ARHGEF3: variants seen among roughly 807,000 people sequenced by gnomAD.
The protein encoded by ARHGEF3 is 59.8 kDA protein.
A neutral mutation model predicts 63.2 loss-of-function variants in ARHGEF3; 28 were observed. That is an observed-to-expected ratio of 0.44 (90% CI 0.33 to 0.61). ARHGEF3 has a LOEUF of 0.61. Ranked by LOEUF, ARHGEF3 falls within the 20% of genes least tolerant of loss-of-function variation. The probability of loss-of-function intolerance (pLI) is 0.03; values close to 1 mark genes in which losing one functional copy is unlikely to be tolerated. For missense variants in ARHGEF3, 533 were observed against 659.3 expected, an observed-to-expected ratio of 0.81 and a Z score of 2.10; for synonymous variants, 266 against 254.2, an observed-to-expected ratio of 1.05 and a Z score of -0.44.
chr3:56,820,958 A>T (rs2038463926), intron 4 of ARHGEF3, among the ~76,000 whole-genome samples: 1 of 151,306 alleles, frequency 6.6e-6, no homozygotes, highest in Admixed American at 6.6e-5. Flanking sequence ...GTTTGAGACT[A>T]GCCTGGGCAG....
At chr3:56,966,345 T>C (rs1700494907) in intron 2 of ARHGEF3, among the ~76,000 whole-genome samples, 2 of 152,260 alleles carry the variant, frequency 1.3e-5, no homozygotes, top group Admixed American at 1.3e-4. Context: ...AGCCCAACTG[T>C]TGACAGTGAC....
At chr3:56,833,868 G>A (rs1399473152) in intron 4 of ARHGEF3, among the ~76,000 whole-genome samples, 4 of 152,026 alleles carry the variant, frequency 2.6e-5, no homozygotes, top group African/African-American at 9.7e-5. Context: ...CACCAAGCTG[G>A]ATAACTGTTC....
At chr3:56,961,877 C>T (rs11708322) in intron 2 of ARHGEF3, among the ~76,000 whole-genome samples, 17,542 of 151,994 alleles carry the variant, frequency 0.12, 1,258 homozygotes, top group East Asian at 0.25. Flanking sequence ...ACACCATCTC[C>T]GCTAAAAATA....
At chr3:56,964,667 A>T (rs1700415990) in intron 2 of ARHGEF3, among the ~76,000 whole-genome samples, 1 of 152,170 alleles carries the variant, frequency 6.6e-6, no homozygotes, top group African/African-American at 2.4e-5. Context: ...CCAAAAAATT[A>T]CAACATGGCA....
Position 56,830,204 on chromosome 3 carries a change from G to T in ARHGEF3, c.192+52088C>A, listed in dbSNP as rs115590425. Among the ~76,000 whole-genome samples, 343 of 152,262 alleles carry T rather than the reference G, an allele frequency of 2.3e-3. 3 individuals carry two copies. The highest frequency in any genetic ancestry group is 7.2e-3 in the African/African-American group (300 of 41,564). On this transcript the variant is annotated intron_variant, in intron 4 of 12. Transcript: ENST00000338458. ...ATGATGGGATGGTGGTAATGACAGT[G>T]GTGACGGTGGTGATAACAGTGACGA...
At chr3:56,783,936 CT>C (rs2036677803) in intron 1 of ARHGEF3, among the ~76,000 whole-genome samples, 1 of 152,188 alleles carries the variant, frequency 6.6e-6, no homozygotes, top group Non-Finnish European at 1.5e-5. Context: ...ACATTCAATT[CT>C]CTTTACACAG....
At chr3:56,796,170 A>C (rs1251187976) in intron 1 of ARHGEF3, among the ~76,000 whole-genome samples, 1 of 152,142 alleles carries the variant, frequency 6.6e-6, no homozygotes, top group Non-Finnish European at 1.5e-5. Context: ...CCAGATACAC[A>C]CATCATCAAT....
intron 4 of ARHGEF3, among the ~76,000 whole-genome samples, chr3:56,880,272 C>T (rs1325368150): frequency 6.6e-6 from 1 of 152,144 alleles, no homozygotes; most frequent in African/African-American, 2.4e-5. Flanking sequence ...ATACAAGTCT[C>T]TTTAATGTGA....
At chr3:57,015,272 C>A (rs1487477854) in intron 2 of ARHGEF3, among the ~76,000 whole-genome samples, 1 of 152,150 alleles carries the variant, frequency 6.6e-6, no homozygotes, top group Non-Finnish European at 1.5e-5. Context: ...ACTTCTTACT[C>A]TCCTACCTCT....
intron 1 of ARHGEF3, among the ~76,000 whole-genome samples, chr3:56,800,216 C>T (rs997369800): frequency 6.6e-6 from 1 of 152,196 alleles, no homozygotes; most frequent in Non-Finnish European, 1.5e-5. Context: ...TTTTCTTTGG[C>T]CCACTTCAAT....
intron 1 of ARHGEF3, among the ~76,000 whole-genome samples, chr3:57,040,674 C>A (rs192569888): frequency 6.6e-6 from 1 of 151,756 alleles, no homozygotes; most frequent in Non-Finnish European, 1.5e-5. Context: ...CAGTTATGAC[C>A]GGTGCCCTTC....
chr3:57,017,553 A>G (rs770381125), intron 2 of ARHGEF3, among the ~76,000 whole-genome samples: 4 of 152,222 alleles, frequency 2.6e-5, no homozygotes, highest in Non-Finnish European at 4.4e-5. Flanking sequence ...CAGTTGCTCA[A>G]CTTGACCCTC....
intron 3 of ARHGEF3, among the ~76,000 whole-genome samples, chr3:56,886,182 G>A (rs753808507): frequency 2.0e-5 from 3 of 152,202 alleles, no homozygotes; most frequent in Non-Finnish European, 4.4e-5. Flanking sequence ...TTGTTTTCTG[G>A]GTTTTGGTTG....
chr3:57,063,321 T>C (rs1705337497), intron 1 of ARHGEF3, among the ~76,000 whole-genome samples: 1 of 152,092 alleles, frequency 6.6e-6, no homozygotes. Context: ...TTTGTTGCAG[T>C]GAAATGAGAG....
chr3:56,939,020 T>C (rs1284424854), intron 3 of ARHGEF3: 1 of 152,308 alleles, frequency 6.6e-6, no homozygotes, highest in African/African-American at 2.4e-5. Context: ...TGTCTTTCAA[T>C]TGATTTAACG....
intron 4 of ARHGEF3, among the ~76,000 whole-genome samples, chr3:56,874,588 A>G (rs968107811): frequency 5.9e-5 from 9 of 152,228 alleles, no homozygotes; most frequent in Admixed American, 5.2e-4. Flanking sequence ...CCCCTCTTCT[A>G]TATCAATGCT....
chr3:57,072,042 G>C (rs1705935793), intron 1 of ARHGEF3, among the ~76,000 whole-genome samples: 1 of 152,152 alleles, frequency 6.6e-6, no homozygotes, highest in African/African-American at 2.4e-5. Flanking sequence ...TAGCCATCTG[G>C]GAAATGCAAA....
chr3:56,995,494 G>A (rs919584587), intron 2 of ARHGEF3, among the ~76,000 whole-genome samples: 8 of 152,210 alleles, frequency 5.3e-5, no homozygotes, highest in Admixed American at 5.2e-4. Context: ...CAGGCAGTGA[G>A]GATCTTTGTG....
At chr3:56,839,010 A>G (rs1204111485) in intron 4 of ARHGEF3, among the ~76,000 whole-genome samples, 1 of 152,064 alleles carries the variant, frequency 6.6e-6, no homozygotes, top group East Asian at 1.9e-4. Flanking sequence ...GTGGTGGTAC[A>G]CACCTGTAGT....
Sources: gnomAD v4.1 joint callset for allele counts (sites outside exome capture counted in the v4.1 genomes callset) on GRCh38, gnomAD v4.1.1 for gene constraint, MANE v1.5 for transcripts, NCBI Gene and HGNC (gene_info 2026-07-23, HGNC 2026-07-21) for gene names.